Variants in VIL1 observed in about 807,000 individuals in gnomAD.
The protein encoded by VIL1 is villin 1.
In VIL1, 86 loss-of-function variants were observed where a neutral mutation model predicts 104.0. That is an observed-to-expected ratio of 0.83 (90% CI 0.69 to 0.99). The LOEUF (loss-of-function observed/expected upper bound fraction) is 0.99, where lower values mean the gene tolerates loss of function less well. Ranked by LOEUF, VIL1 falls within the 50% of genes least tolerant of loss-of-function variation. The pLI is 0.00. For missense variants in VIL1, 944 were observed against 1,054.1 expected, an observed-to-expected ratio of 0.90 and a Z score of 1.45; for synonymous variants, 394 against 412.6, an observed-to-expected ratio of 0.95 and a Z score of 0.55.
chr2:218,431,433 G>C (rs571153320), intron 10 of VIL1, among the ~76,000 whole-genome samples: 1 of 150,836 alleles, frequency 6.6e-6, no homozygotes, highest in Non-Finnish European at 1.5e-5. Context: ...CCTGAAAACC[G>C]AACAGCTTCA....
intron 1 of VIL1, among the ~76,000 whole-genome samples, chr2:218,422,097 A>G (rs987803555): frequency 2.6e-5 from 4 of 152,130 alleles, no homozygotes; most frequent in African/African-American, 7.2e-5. Flanking sequence ...TCTATTAAAA[A>G]TACAAAAATT....
intron 1 of VIL1, among the ~76,000 whole-genome samples, chr2:218,420,296 G>A (rs888164360): frequency 2.6e-5 from 4 of 151,800 alleles, no homozygotes; most frequent in African/African-American, 7.3e-5. Context: ...GGGTGTGCTC[G>A]CGCACGCCTA....
intron 18 of VIL1, among the ~76,000 whole-genome samples, chr2:218,439,666 A>C (rs898429461): frequency 3.9e-5 from 6 of 152,068 alleles, no homozygotes; most frequent in Admixed American, 2.0e-4. Flanking sequence ...AAAAAATAAA[A>C]AACAGCCAGG....
chr2:218,447,782 C>T (rs2106398554), intron 19 of VIL1, among the ~76,000 whole-genome samples: 1 of 151,828 alleles, frequency 6.6e-6, no homozygotes, highest in East Asian at 2.0e-4. Context: ...GGTTGGAGTA[C>T]AGTGGCACAA....
intron 1 of VIL1, among the ~76,000 whole-genome samples, chr2:218,421,497 C>T (rs1219715656): frequency 3.3e-5 from 5 of 152,098 alleles, no homozygotes; most frequent in Middle Eastern, 3.2e-3. Context: ...GGGGAAGTGA[C>T]GGGCCCTGGT....
intron 13 of VIL1, 34 bp downstream of exon 13, chr2:218,432,985 C>A (rs1689126132): frequency 6.2e-7 from 1 of 1,612,488 alleles, no homozygotes; most frequent in Admixed American, 1.7e-5. Flanking sequence ...CTGGCAGTAA[C>A]CACTGTGGCA....
At chr2:218,423,353 A>T (rs1688926759) in intron 1 of VIL1, among the ~76,000 whole-genome samples, 1 of 152,118 alleles carries the variant, frequency 6.6e-6, no homozygotes, top group Non-Finnish European at 1.5e-5. Flanking sequence ...CAAGATCACG[A>T]CACTGCACTC....
chr2:218,429,693 C>T lies in VIL1; in HGVS notation c.849+18C>T, dbSNP rs768808403. The T allele has an allele frequency of 3.7e-6, 6 of 1,613,928 alleles. No individual in the cohort carries two copies. Among genetic ancestry groups the T allele is most frequent in the Non-Finnish European group, 5.1e-6 (6 of 1,179,938 alleles). ...GTCACGAGGTAAGAGGGTCTGGAGA[C>T]CCCTCAGCCTACTGCAGCCTGGCCC... On this transcript the variant is annotated intron_variant, in intron 8 of 19. Transcript: ENST00000248444.
chr2:218,424,143 T>C, intron 2 of VIL1, 134 bp from the exon 3 acceptor site: 1 of 761,352 alleles, frequency 1.3e-6, no homozygotes, highest in Non-Finnish European at 2.2e-6. Context: ...TTTCTTCTCC[T>C]CTCTTCCTTT....
At chr2:218,448,383 G>A (rs948703673) in intron 19 of VIL1, among the ~76,000 whole-genome samples, 2 of 152,080 alleles carry the variant, frequency 1.3e-5, no homozygotes, top group East Asian at 3.9e-4. Context: ...TGGCCAACAA[G>A]GCAAAACCTC....
chr2:218,422,428 T>C (rs1451544578), intron 1 of VIL1, among the ~76,000 whole-genome samples: 1 of 152,260 alleles, frequency 6.6e-6, no homozygotes, highest in East Asian at 1.9e-4. Flanking sequence ...GAGGAGACCA[T>C]GGTTGCCTGA....
In VIL1 at chr2:218,436,553, CCA is replaced by C. The variant is rs1193605490; in HGVS notation, c.1901_1902del (p.Thr634ArgfsTer4). 3 of 1,613,956 alleles carry C rather than the reference CCA, an allele frequency of 1.9e-6. No homozygotes were observed. Among genetic ancestry groups the C allele is most frequent in the Middle Eastern group, 3.3e-4 (2 of 6,084 alleles). ...TCCAACAAGACTGGGCGCTTCCTGGCCACAGAGATCCCTGACTTCAATCAGGA... is the reference window on the plus strand; with the variant it reads ...TCCAACAAGACTGGGCGCTTCCTGGCCAGAGATCCCTGACTTCAATCAGGA... On this transcript the variant is annotated frameshift_variant, in exon 16 of 20. Coordinates refer to ENST00000248444, the MANE Select transcript of VIL1 (RefSeq NM_007127.3). LOFTEE classifies it high-confidence loss of function.
At chr2:218,447,205 C>G (rs1272336546) in intron 19 of VIL1, among the ~76,000 whole-genome samples, 1 of 152,214 alleles carries the variant, frequency 6.6e-6, no homozygotes, top group Non-Finnish European at 1.5e-5. Context: ...GGCCCTACTT[C>G]CCTTGCAGGC....
intron 4 of VIL1, among the ~76,000 whole-genome samples, chr2:218,427,218 C>A (rs80188040): frequency 0.018 from 2,782 of 152,290 alleles, 80 homozygotes; most frequent in African/African-American, 0.062. Flanking sequence ...CACGCTATGG[C>A]AGTAGTCCAC....
At chr2:218,428,994 C>A (rs1354372469) in intron 6 of VIL1, among the ~76,000 whole-genome samples, 1 of 152,152 alleles carries the variant, frequency 6.6e-6, no homozygotes, top group Non-Finnish European at 1.5e-5. Context: ...CAGCTCGTGT[C>A]CCGAACTGTG....
rs1345236822 is a variant in VIL1 at position 218,431,377 on chromosome 2, G to A, written c.1103-480G>A. 2.0e-5 allele frequency among the ~76,000 whole-genome samples: 3 copies of A among 149,048 alleles called. 1 individual carries two copies. Among genetic ancestry groups the A allele is most frequent in the African/African-American group, 4.9e-5 (2 of 40,638 alleles). On this transcript the variant is annotated intron_variant, in intron 10 of 19. Coordinates refer to ENST00000248444, the MANE Select transcript of VIL1 (RefSeq NM_007127.3). ...AAAAAAAAAAAAAAAAAAAAAAGGG[G>A]AGCTGTCAGTGATGTGATATTTCAT... is the stretch of plus-strand genomic sequence containing the variant.
intron 1 of VIL1, among the ~76,000 whole-genome samples, chr2:218,421,436 T>C (rs1688897590): frequency 6.6e-6 from 1 of 152,036 alleles, no homozygotes; most frequent in South Asian, 2.1e-4. Context: ...GAATTAAAAC[T>C]GAAGGAGGAG....
chr2:218,441,153 C>A (rs1232191156), intron 19 of VIL1, among the ~76,000 whole-genome samples: 1 of 152,084 alleles, frequency 6.6e-6, no homozygotes, highest in Non-Finnish European at 1.5e-5. Context: ...CTTTGGGAGG[C>A]CGAGGTGGGT....
At position 218,451,910 on chromosome 2, in the gene VIL1, G is replaced by C. The variant is rs1200739707; in HGVS notation, c.*2574G>C. On this transcript the variant is annotated 3_prime_UTR_variant, in exon 20 of 20. Transcript: ENST00000248444. ...GAATCAAAGTATTAATAGAAGACCA[G>C]TTCATGGATTTGCTTATTCTATCCT... 6.6e-6 allele frequency: 1 copy of C among 152,570 alleles called. No homozygotes were observed. Among genetic ancestry groups the C allele is most frequent in the Non-Finnish European group, 1.5e-5 (1 of 68,026 alleles). 9.5% of individuals were successfully genotyped at this position (152,570 alleles called of 1,614,324 possible). A position where few individuals can be genotyped will look rare whatever the true frequency, so the allele number is the denominator to read the frequency against.
Sources: allele counts gnomAD v4.1 joint callset (sites outside exome capture counted in the v4.1 genomes callset), GRCh38; gene constraint gnomAD v4.1.1; transcripts MANE v1.5; gene names NCBI Gene and HGNC (gene_info 2026-07-23, HGNC 2026-07-21).